MYRFL: variants seen among roughly 807,000 people sequenced by gnomAD.
MYRFL encodes myelin regulatory factor-like protein.
A neutral mutation model predicts 109.4 loss-of-function variants in MYRFL; 88 were observed. That is an observed-to-expected ratio of 0.80 (90% CI 0.68 to 0.96). The LOEUF is 0.96. MYRFL is among the 40% of genes least tolerant of loss of function. MYRFL has a pLI of 0.00. For synonymous variants in MYRFL, 324 were observed against 320.9 expected (o/e 1.01, Z -0.10); for missense variants, 957 against 954.9 (o/e 1.00, Z -0.03).
rs754843682 is a variant in MYRFL, at chr12:69,870,099, C to CTTT, written c.138-8904_138-8902dup. On this transcript the variant is annotated intron_variant, in intron 2 of 24. Coordinates refer to ENST00000552032, the MANE Select transcript of MYRFL (RefSeq NM_182530.3). ...GCTAAGAATCTCTTGATTTTTCTTC[C>CTTT]TTTTTTTTTTTTTTTTTTTTTTTTT... 5.9e-4 allele frequency among the ~76,000 whole-genome samples: 48 copies of CTTT among 81,330 alleles called. 3 individuals carry two copies. Among genetic ancestry groups the CTTT allele is most frequent in the African/African-American group, 1.6e-3 (31 of 19,386 alleles). The allele number at this position is 81,330 out of a possible 152,430, so 53.4% of individuals were successfully genotyped here. A position where few individuals can be genotyped will look rare whatever the true frequency, so the allele number is the denominator to read the frequency against.
At chr12:69,871,680 C>T (rs1317309665) in intron 2 of MYRFL, among the ~76,000 whole-genome samples, 1 of 152,048 alleles carries the variant, frequency 6.6e-6, no homozygotes, top group Admixed American at 6.6e-5. Context: ...ACTCAGCTTC[C>T]CAATATCATA....
At position 69,833,032 on chromosome 12, in the gene MYRFL, A is replaced by C. The variant is rs558585246; in HGVS notation, c.46+7469A>C. 5.9e-5 allele frequency among the ~76,000 whole-genome samples: 9 copies of C among 151,806 alleles called. No homozygotes were observed. The East Asian group carries it at 1.6e-3, about 26-fold the overall frequency. ...ACATTTTACGTTTGAGATCTCTTTT[A>C]GACAACCAAGTGGAAGCGATGAGGA... is the stretch of plus-strand genomic sequence containing the variant. On this transcript the variant is annotated intron_variant, in intron 1 of 24. Coordinates refer to ENST00000552032, the MANE Select transcript of MYRFL (RefSeq NM_182530.3).
chr12:69,895,712 G>A (rs1001837074), intron 9 of MYRFL, among the ~76,000 whole-genome samples: 1 of 152,070 alleles, frequency 6.6e-6, no homozygotes, highest in Non-Finnish European at 1.5e-5. Context: ...GCCCTGCCCT[G>A]TCTCTGCCTG....
At chr12:69,923,522 T>C (rs908704137) in intron 13 of MYRFL, among the ~76,000 whole-genome samples, 2 of 152,184 alleles carry the variant, frequency 1.3e-5, no homozygotes, top group Admixed American at 6.5e-5. Context: ...TTTATGTTTA[T>C]ATCTCTTTTC....
At chr12:69,897,127 T>G (rs532898817) in intron 9 of MYRFL, 29 bp from the exon 10 acceptor site, 5 of 1,443,648 alleles carry the variant, frequency 3.5e-6, no homozygotes, top group Non-Finnish European at 4.7e-6. Flanking sequence ...TCCTGATGCA[T>G]TGGCATTGGT....
chr12:69,856,255 A>G (rs1482802079), intron 2 of MYRFL, among the ~76,000 whole-genome samples: 2 of 152,188 alleles, frequency 1.3e-5, no homozygotes, highest in African/African-American at 2.4e-5. Flanking sequence ...TCTTTGTTAC[A>G]GAGAAAGATA....
rs959715684 is a variant in MYRFL at position 69,897,160 on chromosome 12, T to C, written c.1096T>C (p.Phe366Leu). The change falls in exon 10 of 25, where the codon TTC becomes CTC. Residue 366 changes from phenylalanine (F) to leucine (L), a missense_variant. Coordinates refer to ENST00000552032, the MANE Select transcript of MYRFL (RefSeq NM_182530.3). ...GGTCTGCTGTCTCTGAATTAGATAC[T>C]TCATGTTGGTGGTTGGACTGTATGC... ...KGKPNPDQRY[F>L]MLVVGLYAAN... The C allele has an allele frequency of 2.0e-6, 3 of 1,535,074 alleles. No individual in the cohort carries two copies. The highest frequency in any genetic ancestry group is 2.7e-5 in the African/African-American group (2 of 73,024).
Position 69,932,673 on chromosome 12 carries a change from T to C in MYRFL, c.1916+75T>C, listed in dbSNP as rs925151859. 4 of 1,094,288 alleles carry C rather than the reference T, an allele frequency of 3.7e-6. No homozygotes were observed. The African/African-American group carries it at 6.2e-5, about 17-fold the overall frequency. 67.8% of individuals were successfully genotyped at this position (1,094,288 alleles called of 1,614,324 possible). ...CATGTTTCTTTTATCACATATGAAC[T>C]GGGGACTGGCCTGTTTACTTTGAAG... is the stretch of plus-strand genomic sequence containing the variant. On this transcript the variant is annotated intron_variant, in intron 16 of 24. Coordinates refer to ENST00000552032, the MANE Select transcript of MYRFL (RefSeq NM_182530.3).
At chr12:69,900,899 A>G (rs1052331471) in intron 10 of MYRFL, among the ~76,000 whole-genome samples, 2 of 152,214 alleles carry the variant, frequency 1.3e-5, no homozygotes, top group Admixed American at 1.3e-4. Context: ...AGATGAAGCA[A>G]TTATAGGTTA....
intron 7 of MYRFL, among the ~76,000 whole-genome samples, chr12:69,891,624 C>T (rs3050163): frequency 0.06 from 1,029 of 17,154 alleles, 15 homozygotes; most frequent in Middle Eastern, 0.17. Flanking sequence ...TCTTTCTTTC[C>T]TCCTTCCTTT....
At chr12:69,849,156 G>A (rs1261035326) in intron 1 of MYRFL, among the ~76,000 whole-genome samples, 1 of 152,226 alleles carries the variant, frequency 6.6e-6, no homozygotes, top group East Asian at 1.9e-4. Flanking sequence ...ACAGGCGCGA[G>A]CCATTGCGCC....
At chr12:69,894,493 G>A (rs957485562) in intron 8 of MYRFL, among the ~76,000 whole-genome samples, 3 of 152,100 alleles carry the variant, frequency 2.0e-5, no homozygotes, top group Non-Finnish European at 4.4e-5. Flanking sequence ...AATAAATTAT[G>A]GCTAGATCTT....
chr12:69,903,754 G>A lies in MYRFL; in HGVS notation c.1293G>A (p.Pro431=), dbSNP rs1954264664. 1.0e-5 allele frequency: 16 copies of A among 1,535,652 alleles called. No homozygotes were observed. In the South Asian group the frequency reaches 1.1e-4, roughly 10 times the overall value. Residue 431 remains proline (P), a synonymous_variant, in exon 11 of 25, where the codon CCG becomes CCA. Transcript: ENST00000552032. ...HGRVGINTDA[P]DEALVVCGNM... is the part of the protein sequence containing the mutation. ...GAGTAGGAATCAACACAGATGCGCCGGACGAAGCCCTGGTTGTCTGTGGCA... is the reference window on the plus strand; with the variant it reads ...GAGTAGGAATCAACACAGATGCGCCAGACGAAGCCCTGGTTGTCTGTGGCA...
chr12:69,868,098 C>CTT (rs1454241117), intron 2 of MYRFL, among the ~76,000 whole-genome samples: 1 of 143,156 alleles, frequency 7.0e-6, no homozygotes, highest in Non-Finnish European at 1.5e-5. Flanking sequence ...GCCTCGGTTT[C>CTT]TTTTTTTTTT....
chr12:69,881,071 A>G (rs933262343), intron 5 of MYRFL, among the ~76,000 whole-genome samples: 1 of 150,282 alleles, frequency 6.7e-6, no homozygotes, highest in African/African-American at 2.5e-5. Context: ...TTTTCAGAGT[A>G]AATGCTATGG....
intron 2 of MYRFL, among the ~76,000 whole-genome samples, chr12:69,864,360 G>C (rs1364824807): frequency 6.6e-6 from 1 of 151,596 alleles, no homozygotes; most frequent in Non-Finnish European, 1.5e-5. Context: ...CTCTCTGTTG[G>C]TTATATTGGA....
intron 2 of MYRFL, among the ~76,000 whole-genome samples, chr12:69,860,458 A>G (rs1370712359): frequency 6.6e-6 from 1 of 152,088 alleles, no homozygotes; most frequent in Non-Finnish European, 1.5e-5. Flanking sequence ...ATTGTAACCT[A>G]TATATATCAA....
intron 16 of MYRFL, among the ~76,000 whole-genome samples, chr12:69,933,290 C>T (rs114549357): frequency 0.02 from 2,977 of 152,036 alleles, 111 homozygotes; most frequent in African/African-American, 0.069. Context: ...ATTCCCCTCC[C>T]CCACCACACT....
intron 19 of MYRFL, chr12:69,947,131 A>G (rs1411602045): frequency 6.6e-6 from 1 of 152,250 alleles, no homozygotes; most frequent in Admixed American, 6.5e-5. Context: ...TATTCTTTTC[A>G]GCCAGATGTT....
Sources: allele counts gnomAD v4.1 joint callset (sites outside exome capture counted in the v4.1 genomes callset), GRCh38; gene constraint gnomAD v4.1.1; transcripts MANE v1.5; gene names NCBI Gene and HGNC (gene_info 2026-07-23, HGNC 2026-07-21).